Variants in GPD1L observed in about 807,000 individuals in gnomAD.
GPD1L encodes the protein glycerol-3-phosphate dehydrogenase 1 like.
GPD1L carries 17 observed loss-of-function variants against 32.9 expected under a neutral mutation model. The ratio of observed to expected loss-of-function variants is 0.52; its 90% CI spans 0.35 to 0.78. GPD1L has a LOEUF of 0.78. Ranked by LOEUF, GPD1L falls within the 30% of genes least tolerant of loss-of-function variation. The pLI is 0.01. For missense variants in GPD1L, 361 were observed against 447.8 expected (o/e 0.81, Z 1.75); for synonymous variants, 187 against 165.9 (o/e 1.13, Z -0.98).
chr3:32,109,090 C>A (rs1017255924), intron 1 of GPD1L, among the ~76,000 whole-genome samples: 1 of 152,138 alleles, frequency 6.6e-6, no homozygotes, highest in Admixed American at 6.5e-5. Flanking sequence ...ACCTCATGAT[C>A]CGCCTGCCTC....
chr3:32,165,936 A>G lies in GPD1L; in HGVS notation c.*26A>G. On this transcript the variant is annotated 3_prime_UTR_variant, in exon 8 of 8. Transcript: ENST00000282541. ...AGTGAATCATGCAACGTGTTGGGGG[A>G]AGTTCTGCCTTTCTGATCAATCTTT... The G allele has an allele frequency of 7.9e-7, 1 of 1,261,746 alleles. No homozygotes were observed. Among genetic ancestry groups the G allele is most frequent in the Non-Finnish European group, 1.2e-6 (1 of 858,096 alleles). 78.2% of individuals were successfully genotyped at this position (1,261,746 alleles called of 1,614,324 possible).
chr3:32,147,069 C>T (rs1016857905), intron 5 of GPD1L, among the ~76,000 whole-genome samples: 3 of 152,198 alleles, frequency 2.0e-5, no homozygotes, highest in Admixed American at 2.0e-4. Flanking sequence ...ATGTTTTTCT[C>T]CCACACTTCA....
chr3:32,153,331 TAAA>T (rs1193470148), intron 5 of GPD1L, among the ~76,000 whole-genome samples: 1 of 152,236 alleles, frequency 6.6e-6, no homozygotes, highest in Admixed American at 6.5e-5. Context: ...TCAAATTAAT[TAAA>T]ATTCTTAAAA....
intron 7 of GPD1L, among the ~76,000 whole-genome samples, chr3:32,164,041 T>C (rs1448557474): frequency 6.6e-6 from 1 of 152,206 alleles, no homozygotes. Context: ...ATTTTTCCTC[T>C]AGTGCCTCTC....
rs527355333 is a variant in GPD1L at position 32,162,632 on chromosome 3, G to A, written c.959+2958G>A. ...GATCTCCTGACCTCATGATCCACCC[G>A]CCTCGGCCTCCCAAAGTGCCCTTAA... is the stretch of plus-strand genomic sequence containing the variant. On this transcript the variant is annotated intron_variant, in intron 7 of 7. Transcript: ENST00000282541. Among the ~76,000 whole-genome samples, 16 of 57,630 alleles carry A rather than the reference G, an allele frequency of 2.8e-4. 5 individuals are homozygous for A. In the East Asian group the frequency reaches 0.013, roughly 47 times the overall value. The allele number at this position is 57,630 out of a possible 152,430, so 37.8% of individuals were successfully genotyped here. A position where few individuals can be genotyped will look rare whatever the true frequency, so the allele number is the denominator to read the frequency against.
chr3:32,153,966 T>C (rs1314790537), intron 5 of GPD1L, among the ~76,000 whole-genome samples: 1 of 152,144 alleles, frequency 6.6e-6, no homozygotes, highest in Non-Finnish European at 1.5e-5. Context: ...ATGGTATTTT[T>C]AGCTCCAAAA....
chr3:32,153,119 G>T (rs1700942998), intron 5 of GPD1L, among the ~76,000 whole-genome samples: 1 of 152,158 alleles, frequency 6.6e-6, no homozygotes, highest in Non-Finnish European at 1.5e-5. Flanking sequence ...CCTTTGTGGG[G>T]CTGTTCTGCA....
At chr3:32,113,243 A>G (rs1244483869) in intron 1 of GPD1L, among the ~76,000 whole-genome samples, 1 of 132,004 alleles carries the variant, frequency 7.6e-6, no homozygotes, top group East Asian at 2.6e-4. Context: ...TAATTGTTGA[A>G]AAAATCTTAT....
Position 32,147,961 on chromosome 3 carries a change from A to G in GPD1L, c.618+1227A>G, listed in dbSNP as rs538244461. 2.0e-5 allele frequency among the ~76,000 whole-genome samples: 3 copies of G among 152,374 alleles called. No individual in the cohort carries two copies. The South Asian group carries it at 6.2e-4, about 32-fold the overall frequency. On this transcript the variant is annotated intron_variant, in intron 5 of 7. Transcript: ENST00000282541. Reference sequence around the variant, plus strand: ...CTGGGCTCCTAGGGAGCACACATGCATATTTCTAAGCGCCTGTGTGGGGCA... The same window carrying G: ...CTGGGCTCCTAGGGAGCACACATGCGTATTTCTAAGCGCCTGTGTGGGGCA...
chr3:32,139,932 A>G (rs1210716414), intron 3 of GPD1L, among the ~76,000 whole-genome samples: 1 of 152,234 alleles, frequency 6.6e-6, no homozygotes, highest in Non-Finnish European at 1.5e-5. Flanking sequence ...CAATGCATAC[A>G]GCATTCAGGA....
In GPD1L at chr3:32,158,978, G is replaced by T; in HGVS notation, c.721G>T (p.Ala241Ser). 6.2e-7 allele frequency: 1 copy of T among 1,614,120 alleles called. No homozygotes were observed. The highest frequency in any genetic ancestry group is 8.5e-7 in the Non-Finnish European group (1 of 1,180,038). ...GGGACTCATGGAAATGATTGCTTTT[G>T]CCAGGATCTTCTGCAAAGGCCAAGT... ...RLGLMEMIAF[A>S]RIFCKGQVST... The change falls in exon 6 of 8, where the codon GCC (alanine) becomes TCC (serine). Residue 241 changes from alanine (A) to serine (S), a missense_variant. By Grantham distance (99) the Ala-to-Ser change is moderately conservative. Coordinates refer to ENST00000282541, the MANE Select transcript of GPD1L (RefSeq NM_015141.4).
chr3:32,130,735 G>A lies in GPD1L; in HGVS notation c.225+2482G>A, dbSNP rs539798816. On this transcript the variant is annotated intron_variant, in intron 2 of 7. Transcript: ENST00000282541. ...CCTGTAATCCCAGCACTTTGGGACC[G>A]AGCGCAGTGGCTCATGCCTGTAATC... Among the ~76,000 whole-genome samples the A allele has an allele frequency of 1.1e-3, 161 of 145,352 alleles. 1 individual carries two copies. The highest frequency in any genetic ancestry group is 4.3e-3 in the Admixed American group (53 of 12,302).
intron 5 of GPD1L, among the ~76,000 whole-genome samples, chr3:32,149,322 A>G (rs1408313665): frequency 6.6e-6 from 1 of 152,140 alleles, no homozygotes; most frequent in East Asian, 1.9e-4. Flanking sequence ...CAGACTCCCA[A>G]AGTGCTGGGA....
intron 5 of GPD1L, among the ~76,000 whole-genome samples, chr3:32,147,618 T>TG (rs1378396863): frequency 6.6e-6 from 1 of 151,496 alleles, no homozygotes; most frequent in Non-Finnish European, 1.5e-5. Context: ...CAAAAAAGAG[T>TG]GGGGGGAATA....
At chr3:32,158,062 C>T (rs150719363) in intron 5 of GPD1L, among the ~76,000 whole-genome samples, 188 of 152,280 alleles carry the variant, frequency 1.2e-3, no homozygotes, top group Non-Finnish European at 2.3e-3. Flanking sequence ...ACGTAGTCAC[C>T]GGAGGGCATG....
intron 1 of GPD1L, among the ~76,000 whole-genome samples, chr3:32,124,833 G>A (rs1224876087): frequency 6.6e-6 from 1 of 152,148 alleles, no homozygotes; most frequent in Non-Finnish European, 1.5e-5. Context: ...GGCCAGGGAT[G>A]ATTCCCTTGA....
intron 4 of GPD1L, among the ~76,000 whole-genome samples, chr3:32,146,321 C>T (rs1212859761): frequency 1.3e-5 from 2 of 151,978 alleles, no homozygotes; most frequent in Admixed American, 6.6e-5. Context: ...CTCTTGACCT[C>T]GTGATCTGCC....
In GPD1L at chr3:32,140,268, A is replaced by G; in HGVS notation, c.407A>G (p.Asp136Gly). 6.2e-7 allele frequency: 1 copy of G among 1,613,950 alleles called. No individual in the cohort carries two copies. The highest frequency in any genetic ancestry group is 8.5e-7 in the Non-Finnish European group (1 of 1,179,940). ...EGPEGLKLIS[D>G]IIREKMGIDI... ...CCCGAGGGGCTGAAGCTCATTTCTG[A>G]CATCATCCGTGAGAAGATGGGTATT... Residue 136 changes from aspartate to glycine, a missense_variant, in exon 4 of 8, where the codon GAC becomes GGC. Coordinates refer to ENST00000282541, the MANE Select transcript of GPD1L (RefSeq NM_015141.4).
At chr3:32,136,301 C>T (rs1038958944) in intron 2 of GPD1L, among the ~76,000 whole-genome samples, 5 of 152,208 alleles carry the variant, frequency 3.3e-5, no homozygotes, top group African/African-American at 1.2e-4. Flanking sequence ...GTTCAGGCTA[C>T]TCCTGAAGAA....
Sources: allele counts gnomAD v4.1 joint callset (sites outside exome capture counted in the v4.1 genomes callset), GRCh38; gene constraint gnomAD v4.1.1; transcripts MANE v1.5; gene names NCBI Gene and HGNC (gene_info 2026-07-23, HGNC 2026-07-21).